Variants in GGA3 observed in about 807,000 individuals in gnomAD.
GGA3 encodes ADP-ribosylation factor-binding protein GGA3.
Under a neutral mutation model 77.5 loss-of-function variants are expected in GGA3, and 57 were observed. The observed-to-expected ratio is 0.74, with a 90% confidence interval of 0.59 to 0.92. GGA3 has a LOEUF of 0.92. GGA3 is among the 40% of genes least tolerant of loss of function. GGA3 has a pLI of 0.00. For missense variants in GGA3, 970 were observed against 914.9 expected, an observed-to-expected ratio of 1.06 and a Z score of -0.78; for synonymous variants, 416 against 383.7, an observed-to-expected ratio of 1.08 and a Z score of -0.98.
rs1027553122 is a variant in GGA3 at position 75,239,277 on chromosome 17, C to T, written c.1780+98G>A. Reference sequence around the variant, plus strand: ...GAGGCCTGCCTGGCTTTAAGGGACCCCCTGCAAAGAGTGCCTGGATCCATC... The same window carrying T: ...GAGGCCTGCCTGGCTTTAAGGGACCTCCTGCAAAGAGTGCCTGGATCCATC... On this transcript the variant is annotated intron_variant, in intron 14 of 16. Coordinates refer to ENST00000537686, the MANE Select transcript of GGA3 (RefSeq NM_138619.4). The T allele has an allele frequency of 4.4e-6, 5 of 1,136,698 alleles. No individual in the cohort carries two copies. In the African/African-American group the frequency reaches 7.8e-5, roughly 18 times the overall value. The allele number at this position is 1,136,698 out of a possible 1,614,324, so 70.4% of individuals were successfully genotyped here. A position where few individuals can be genotyped will look rare whatever the true frequency, so the allele number is the denominator to read the frequency against.
upstream of GGA3, chr17:75,261,945 G>T: frequency 6.2e-7 from 1 of 1,608,522 alleles, no homozygotes; most frequent in African/African-American, 1.3e-5. Context: ...GGTCGGGCCT[G>T]GCGTTGGGCG....
intron 1 of GGA3, among the ~76,000 whole-genome samples, chr17:75,255,856 A>T (rs2077133741): frequency 1.3e-5 from 2 of 152,212 alleles, no homozygotes; most frequent in African/African-American, 4.8e-5. Flanking sequence ...TGCACCCGTC[A>T]TCCCAGCCTC....
intron 1 of GGA3, among the ~76,000 whole-genome samples, chr17:75,260,924 G>C (rs539105156): frequency 5.5e-4 from 83 of 151,480 alleles, no homozygotes; most frequent in Non-Finnish European, 1.0e-3. Flanking sequence ...GTATGTGTGT[G>C]GGGGGGGAAT....
At chr17:75,239,138 G>A in intron 14 of GGA3, 55 bp from the exon 15 acceptor site, 2 of 1,529,194 alleles carry the variant, frequency 1.3e-6, no homozygotes, top group South Asian at 2.3e-5. Flanking sequence ...ACCCAACAGA[G>A]CCCCGGCGGT....
At position 75,242,479 on chromosome 17, in the gene GGA3, C is replaced by T. The variant is rs1567785573; in HGVS notation, c.610-6G>A. The T allele has an allele frequency of 6.2e-7, 1 of 1,614,164 alleles. No individual in the cohort carries two copies. Among genetic ancestry groups the T allele is most frequent in the South Asian group, 1.1e-5 (1 of 91,082 alleles). ...TTCTGGATCCGTGCCTCGTCCTGCC[C>T]CAGTGAAGAAGTTCAAGAGAAAGAG... On this transcript the variant is annotated splice_region_variant and splice_polypyrimidine_tract_variant and intron_variant, in intron 7 of 16. Coordinates refer to ENST00000537686, the MANE Select transcript of GGA3 (RefSeq NM_138619.4).
Position 75,237,695 on chromosome 17 carries a change from T to C in GGA3, c.*584A>G, listed in dbSNP as rs2076367401. 2.1e-6 allele frequency: 3 copies of C among 1,459,248 alleles called. No homozygotes were observed. In the South Asian group the frequency reaches 4.2e-5, roughly 20 times the overall value. The allele number at this position is 1,459,248 out of a possible 1,614,324, so 90.4% of individuals were successfully genotyped here. ...TCACTCCGTGGCCATTCCAGGACGA[T>C]GCTGTCCACCAGAGGCAGGGCTGGG... On this transcript the variant is annotated 3_prime_UTR_variant, in exon 17 of 17. Coordinates refer to ENST00000537686, the MANE Select transcript of GGA3 (RefSeq NM_138619.4).
intron 1 of GGA3, among the ~76,000 whole-genome samples, 194 bp from the exon 2 acceptor site, chr17:75,246,990 G>A (rs536534074): frequency 2.5e-4 from 38 of 151,902 alleles, no homozygotes; most frequent in Admixed American, 5.2e-4. Flanking sequence ...TACAAATACT[G>A]CTTTCTGTCC....
chr17:75,239,930 G>T lies in GGA3; in HGVS notation c.1442C>A (p.Ser481Tyr), dbSNP rs1246306205. Residue 481 changes from serine to tyrosine, a missense_variant, in exon 13 of 17, where the codon TCC becomes TAC. Coordinates refer to ENST00000537686, the MANE Select transcript of GGA3 (RefSeq NM_138619.4). ...GGCCACTCCAGTAGAAAACAAGGAG[G>T]AGCCCGCACTGGGGGCAGGAACACT... is the stretch of plus-strand genomic sequence containing the variant. ...PASVPAPSAG[S>Y]SLFSTGVAPA... is the part of the protein sequence containing the mutation. 1 of 1,602,530 alleles carries T rather than the reference G, an allele frequency of 6.2e-7. No homozygotes were observed.
In GGA3 at chr17:75,237,957, C is replaced by G; in HGVS notation, c.*322G>C. On this transcript the variant is annotated 3_prime_UTR_variant, in exon 17 of 17. Transcript: ENST00000537686. ...CCCACCCCAGTGGCTTCAGTGAATG[C>G]CAGTAGAAGGAAGCAAACACCTACG... 1.8e-6 allele frequency: 2 copies of G among 1,114,454 alleles called. No individual in the cohort carries two copies. Among genetic ancestry groups the G allele is most frequent in the Non-Finnish European group, 2.2e-6 (2 of 913,544 alleles). 69.0% of individuals were successfully genotyped at this position (1,114,454 alleles called of 1,614,324 possible). A position where few individuals can be genotyped will look rare whatever the true frequency, so the allele number is the denominator to read the frequency against.
In GGA3 at chr17:75,243,626, T is replaced by G; in HGVS notation, c.301-56A>C. The G allele has an allele frequency of 1.9e-6, 3 of 1,577,802 alleles. No homozygotes were observed. The South Asian group carries it at 3.4e-5, about 18-fold the overall frequency. On this transcript the variant is annotated intron_variant, in intron 4 of 16. Transcript: ENST00000537686. ...AAGTGCAGTTCGGAGGCAGAGAAAGTGTAAGGCTCCCTCCACAGCAATGGC... is the reference window on the plus strand; with the variant it reads ...AAGTGCAGTTCGGAGGCAGAGAAAGGGTAAGGCTCCCTCCACAGCAATGGC...
chr17:75,253,205 C>T (rs1598435204), intron 1 of GGA3, among the ~76,000 whole-genome samples: 1 of 152,182 alleles, frequency 6.6e-6, no homozygotes, highest in Non-Finnish European at 1.5e-5. Flanking sequence ...ATCAGGTAGG[C>T]GGCCTCTTCT....
intron 15 of GGA3, 37 bp downstream of exon 15, chr17:75,238,877 A>C: frequency 6.2e-7 from 1 of 1,609,720 alleles, no homozygotes; most frequent in Non-Finnish European, 8.5e-7. Context: ...AACAGGGTCA[A>C]GATAAGGCCG....
Position 75,260,139 on chromosome 17 carries a change from A to C in GGA3, c.40+1409T>G, listed in dbSNP as rs564321443. Among the ~76,000 whole-genome samples the C allele has an allele frequency of 1.5e-3, 227 of 152,352 alleles. 1 individual carries two copies. The highest frequency in any genetic ancestry group is 4.2e-3 in the East Asian group (22 of 5,190). ...ACTCCAGCCTAGACAACAGCGCGCG[A>C]GACTCTGTCTCAAAAACAAGTAACA... On this transcript the variant is annotated intron_variant, in intron 1 of 16. Transcript: ENST00000537686.
rs1178928291 is a variant in GGA3, at chr17:75,250,275, A to G, written c.41-3479T>C. 3.3e-5 allele frequency among the ~76,000 whole-genome samples: 5 copies of G among 152,220 alleles called. No homozygotes were observed. In the South Asian group the frequency reaches 6.2e-4, roughly 19 times the overall value. The stretch of plus-strand genomic sequence containing the variant: ...GCCCCTCCGGGCTCTGCTCTGACTC[A>G]TGGTTTCTGTCTATTTTCGAGTCTC... On this transcript the variant is annotated intron_variant, in intron 1 of 16. Transcript: ENST00000537686.
chr17:75,249,156 C>T (rs2076873868), intron 1 of GGA3: 2 of 190,546 alleles, frequency 1.0e-5, no homozygotes, highest in Non-Finnish European at 1.9e-5. Context: ...AGCTATTCTC[C>T]TGCCTCAGCC....
At chr17:75,242,243 G>A in intron 8 of GGA3, 93 bp downstream of exon 8, 1 of 1,324,648 alleles carries the variant, frequency 7.5e-7, no homozygotes, top group Non-Finnish European at 1.1e-6. Context: ...CACAGCCCGT[G>A]TCTCTGACAA....
rs760178871 is a variant in GGA3 at position 75,246,701 on chromosome 17, C to T, written c.125+11G>A. The stretch of plus-strand genomic sequence containing the variant: ...CTCCCTCTCAGCTGCCCCCACAGTG[C>T]TGAGACTCACCCTTCCAGCTCCTTG... On this transcript the variant is annotated intron_variant, in intron 2 of 16. Transcript: ENST00000537686. 1 of 1,611,564 alleles carries T rather than the reference C, an allele frequency of 6.2e-7. No homozygotes were observed. Among genetic ancestry groups the T allele is most frequent in the Non-Finnish European group, 8.5e-7 (1 of 1,177,632 alleles).
chr17:75,239,199 G>A (rs201025074), intron 14 of GGA3, 116 bp from the exon 15 acceptor site: 16 of 1,064,148 alleles, frequency 1.5e-5, no homozygotes, highest in East Asian at 7.7e-5. Context: ...GCTTCCTAAC[G>A]GAATCTGGGA....
At chr17:75,258,693 ACTT>A (rs962055617) in intron 1 of GGA3, among the ~76,000 whole-genome samples, 18 of 151,898 alleles carry the variant, frequency 1.2e-4, no homozygotes, top group African/African-American at 4.4e-4. Flanking sequence ...AATAAAATAA[ACTT>A]CTTGGGCTGG....
Sources: gnomAD v4.1 joint callset for allele counts (sites outside exome capture counted in the v4.1 genomes callset) on GRCh38, gnomAD v4.1.1 for gene constraint, MANE v1.5 for transcripts, NCBI Gene and HGNC (gene_info 2026-07-23, HGNC 2026-07-21) for gene names.